NRG3: variants seen among roughly 807,000 people sequenced by gnomAD.
NRG3 encodes neuregulin 3, also known as pro-neuregulin-3, membrane-bound isoform.
NRG3 carries 31 observed loss-of-function variants against 66.9 expected under a neutral mutation model. The ratio of observed to expected loss-of-function variants is 0.46; its 90% CI spans 0.35 to 0.63. NRG3 has a LOEUF of 0.63. NRG3 is among the 20% of genes least tolerant of loss of function. The probability of loss-of-function intolerance (pLI) is 0.00; values close to 1 mark genes in which losing one functional copy is unlikely to be tolerated. For synonymous variants in NRG3, 393 were observed against 359.4 expected, an observed-to-expected ratio of 1.09 and a Z score of -1.06; for missense variants, 910 against 878.9, an observed-to-expected ratio of 1.04 and a Z score of -0.45.
intron 1 of NRG3, among the ~76,000 whole-genome samples, chr10:82,277,832 C>T (rs1244406411): frequency 1.3e-5 from 2 of 152,002 alleles, no homozygotes; most frequent in African/African-American, 4.8e-5. Context: ...TTTTTCTTCA[C>T]CAGAATTCCA....
In NRG3 at chr10:82,796,560, A is replaced by T. The variant is rs548470769; in HGVS notation, c.1027+57910A>T. 8.6e-5 allele frequency among the ~76,000 whole-genome samples: 13 copies of T among 152,038 alleles called. No individual in the cohort carries two copies. In the East Asian group the frequency reaches 1.3e-3, roughly 16 times the overall value. On this transcript the variant is annotated intron_variant, in intron 3 of 8. Coordinates refer to ENST00000372141, the MANE Select transcript of NRG3 (RefSeq NM_001010848.4). ...TATCAAATAGCTACAATAGAAGCAAAGGAAATAAAGTGGTAAAGAGAGAGA... is the reference window on the plus strand; with the variant it reads ...TATCAAATAGCTACAATAGAAGCAATGGAAATAAAGTGGTAAAGAGAGAGA...
At chr10:81,970,404 A>G (rs1270738986) in intron 1 of NRG3, among the ~76,000 whole-genome samples, 1 of 152,210 alleles carries the variant, frequency 6.6e-6, no homozygotes, top group East Asian at 1.9e-4. Context: ...CATTTCAACC[A>G]GGTTTATAGA....
intron 3 of NRG3, among the ~76,000 whole-genome samples, chr10:82,813,917 A>G (rs567980911): frequency 6.6e-6 from 1 of 152,352 alleles, no homozygotes; most frequent in African/African-American, 2.4e-5. Context: ...TGAGAGGACT[A>G]TGGGAAACAG....
chr10:82,761,541 T>A lies in NRG3; in HGVS notation c.1027+22891T>A, dbSNP rs77754159. ...TAGACAATCATCATTTAAATTCTGTTGATAAAGTGCTCAGCATAAAAACCT... is the reference window on the plus strand; with the variant it reads ...TAGACAATCATCATTTAAATTCTGTAGATAAAGTGCTCAGCATAAAAACCT... On this transcript the variant is annotated intron_variant, in intron 3 of 8. Transcript: ENST00000372141. Among the ~76,000 whole-genome samples, 493 of 152,226 alleles carry A rather than the reference T, an allele frequency of 3.2e-3. 2 individuals carry two copies. Among genetic ancestry groups the A allele is most frequent in the African/African-American group, 0.011 (470 of 41,580 alleles).
chr10:81,909,274 C>T (rs527419515), intron 1 of NRG3, among the ~76,000 whole-genome samples: 4 of 152,112 alleles, frequency 2.6e-5, no homozygotes, highest in African/African-American at 9.7e-5. Flanking sequence ...GGGTTTAAGG[C>T]CCATTCTACT....
At chr10:82,372,903 A>G (rs1170542214) in intron 2 of NRG3, among the ~76,000 whole-genome samples, 1 of 152,184 alleles carries the variant, frequency 6.6e-6, no homozygotes, top group Non-Finnish European at 1.5e-5. Flanking sequence ...CTGTATTAGC[A>G]TTTTAGATGT....
chr10:82,204,735 T>C (rs1277331739), intron 1 of NRG3, among the ~76,000 whole-genome samples: 1 of 152,192 alleles, frequency 6.6e-6, no homozygotes, highest in Non-Finnish European at 1.5e-5. Context: ...GTAAATCTCT[T>C]CTCAATTTCT....
intron 2 of NRG3, among the ~76,000 whole-genome samples, chr10:82,570,121 G>A (rs1460465363): frequency 1.3e-5 from 2 of 151,538 alleles, no homozygotes; most frequent in Admixed American, 1.3e-4. Flanking sequence ...ACCTTCCAAG[G>A]AAATACTTTC....
intron 2 of NRG3, among the ~76,000 whole-genome samples, chr10:82,453,794 A>G (rs2091142586): frequency 6.6e-6 from 1 of 152,090 alleles, no homozygotes; most frequent in African/African-American, 2.4e-5. Context: ...CAACAGAGAG[A>G]AGGTTAAAAG....
intron 2 of NRG3, among the ~76,000 whole-genome samples, chr10:82,463,504 A>G (rs565166974): frequency 6.6e-6 from 1 of 152,362 alleles, no homozygotes; most frequent in Admixed American, 6.5e-5. Context: ...AAGCCATGAC[A>G]TGAATATGGC....
chr10:82,728,297 A>G (rs540146717), intron 2 of NRG3, among the ~76,000 whole-genome samples: 2 of 152,252 alleles, frequency 1.3e-5, no homozygotes, highest in South Asian at 4.1e-4. Flanking sequence ...CCCAAATCCC[A>G]TCTTGAATTG....
intron 1 of NRG3, among the ~76,000 whole-genome samples, chr10:82,206,575 A>T (rs568867689): frequency 6.6e-6 from 1 of 152,218 alleles, no homozygotes; most frequent in East Asian, 1.9e-4. Flanking sequence ...TGCCAGTGTT[A>T]TGTGTGTGAA....
Position 82,128,037 on chromosome 10 carries a change from C to A in NRG3, c.824-230702C>A, listed in dbSNP as rs11192631. Among the ~76,000 whole-genome samples, 1,132 of 152,034 alleles carry A rather than the reference C, an allele frequency of 7.4e-3. 12 individuals carry two copies. The highest frequency in any genetic ancestry group is 0.026 in the African/African-American group (1,075 of 41,494). On this transcript the variant is annotated intron_variant, in intron 1 of 8. Coordinates refer to ENST00000372141, the MANE Select transcript of NRG3 (RefSeq NM_001010848.4). ...AAAATTGAAGCCCATAAATAGAAAT[C>A]TCTTGGCTAAGATCACGATGTTAAT... is the stretch of plus-strand genomic sequence containing the variant.
At chr10:82,898,410 C>T (rs1228921322) in intron 4 of NRG3, among the ~76,000 whole-genome samples, 2 of 152,156 alleles carry the variant, frequency 1.3e-5, no homozygotes, top group African/African-American at 4.8e-5. Context: ...AGGAGCCTCA[C>T]CTGGAGGCTC....
chr10:82,140,164 A>AT (rs1460675642), intron 1 of NRG3, among the ~76,000 whole-genome samples: 1 of 152,090 alleles, frequency 6.6e-6, no homozygotes, highest in East Asian at 1.9e-4. Context: ...TCAATGCTCT[A>AT]TTTTTTCTAT....
intron 4 of NRG3, among the ~76,000 whole-genome samples, chr10:82,913,668 CT>C (rs1399624844): frequency 1.3e-5 from 2 of 152,118 alleles, no homozygotes; most frequent in Non-Finnish European, 2.9e-5. Flanking sequence ...GTCTGTAATA[CT>C]TATACTTGGT....
At chr10:82,361,336 C>T (rs2084125970) in intron 2 of NRG3, among the ~76,000 whole-genome samples, 1 of 152,150 alleles carries the variant, frequency 6.6e-6, no homozygotes, top group African/African-American at 2.4e-5. Context: ...TAGCCTAAGA[C>T]AAAATTGGAA....
intron 1 of NRG3, among the ~76,000 whole-genome samples, chr10:82,084,015 G>A (rs1019406589): frequency 6.6e-6 from 1 of 151,578 alleles, no homozygotes. Flanking sequence ...ATTATCTGAG[G>A]TTGGGAGTTC....
intron 2 of NRG3, among the ~76,000 whole-genome samples, chr10:82,433,359 A>G (rs2089945046): frequency 6.6e-6 from 1 of 151,882 alleles, no homozygotes; most frequent in Admixed American, 6.6e-5. Context: ...TAAATTCTGG[A>G]TATTAGACCT....
Sources: allele counts gnomAD v4.1 joint callset (sites outside exome capture counted in the v4.1 genomes callset), GRCh38; gene constraint gnomAD v4.1.1; transcripts MANE v1.5; gene names NCBI Gene and HGNC (gene_info 2026-07-23, HGNC 2026-07-21).